Variants in PPP4R2 observed in about 807,000 individuals in gnomAD.
The protein encoded by PPP4R2 is serine/threonine-protein phosphatase 4 regulatory subunit 2.
PPP4R2 carries 13 observed loss-of-function variants against 47.2 expected under a neutral mutation model. The ratio of observed to expected loss-of-function variants is 0.28; its 90% confidence interval spans 0.18 to 0.44. PPP4R2 has a LOEUF of 0.44. Among genes scored for constraint, PPP4R2 ranks in the 20% least tolerant of loss-of-function variants. PPP4R2 has a pLI of 1.00. For synonymous variants in PPP4R2, 151 were observed against 163.3 expected (o/e 0.92, Z 0.57); for missense variants, 421 against 491.2 (o/e 0.86, Z 1.35).
intron 2 of PPP4R2, among the ~76,000 whole-genome samples, chr3:73,002,172 C>T (rs1701480275): frequency 6.6e-6 from 1 of 152,182 alleles, no homozygotes; most frequent in Non-Finnish European, 1.5e-5. Context: ...TTGCAAATGA[C>T]AGGATCTAAT....
At chr3:73,043,514 C>G (rs1213610761) in intron 2 of PPP4R2, among the ~76,000 whole-genome samples, 1 of 152,060 alleles carries the variant, frequency 6.6e-6, no homozygotes, top group Non-Finnish European at 1.5e-5. Context: ...GAGGAACTGC[C>G]CAAGTACTTT....
Position 72,996,990 on chromosome 3 carries a change from A to T in PPP4R2, c.-48A>T. ...GGTGGGGGGAGGCGTTCCGGTCCCC[A>T]AGAGACCCGCGGAGGGAGGCGGAGG... is the stretch of plus-strand genomic sequence containing the variant. On this transcript the variant is annotated 5_prime_UTR_variant, in exon 1 of 9. Coordinates refer to ENST00000356692, the MANE Select transcript of PPP4R2 (RefSeq NM_174907.4). 7.5e-7 allele frequency: 1 copy of T among 1,337,482 alleles called. No homozygotes were observed. The highest frequency in any genetic ancestry group is 9.7e-7 in the Non-Finnish European group (1 of 1,026,946). The allele number at this position is 1,337,482 out of a possible 1,614,324, so 82.9% of individuals were successfully genotyped here. A position where few individuals can be genotyped will look rare whatever the true frequency, so the allele number is the denominator to read the frequency against.
intron 2 of PPP4R2, among the ~76,000 whole-genome samples, chr3:73,026,252 T>G (rs1702060899): frequency 1.3e-5 from 2 of 152,204 alleles, no homozygotes; most frequent in Admixed American, 6.5e-5. Context: ...AATTCTCTAG[T>G]AAATTCGTAC....
intron 2 of PPP4R2, among the ~76,000 whole-genome samples, chr3:73,028,462 CTT>C (rs1008863251): frequency 1.3e-5 from 2 of 151,912 alleles, no homozygotes; most frequent in African/African-American, 2.4e-5. Flanking sequence ...AGGTAGAAGA[CTT>C]TTTTTGTTTT....
At chr3:73,061,243 T>G in intron 5 of PPP4R2, 183 bp downstream of exon 5, 1 of 312,142 alleles carries the variant, frequency 3.2e-6, no homozygotes, top group Non-Finnish European at 5.7e-6. Flanking sequence ...ATCTATATGT[T>G]TTTTCCATTA....
At chr3:73,016,123 CATTTA>C (rs1178882244) in intron 2 of PPP4R2, 13 of 152,422 alleles carry the variant, frequency 8.5e-5, no homozygotes, top group African/African-American at 3.1e-4. Flanking sequence ...ATAAATAAAA[CATTTA>C]ATTTGACCAA....
chr3:73,035,833 C>G (rs1365643342), intron 2 of PPP4R2, among the ~76,000 whole-genome samples: 10 of 152,050 alleles, frequency 6.6e-5, no homozygotes, highest in African/African-American at 2.2e-4. Context: ...ACCATGTTGG[C>G]CAGGCTGGTC....
chr3:73,005,827 T>C (rs1157574760), intron 2 of PPP4R2, among the ~76,000 whole-genome samples: 1 of 40,298 alleles, frequency 2.5e-5, no homozygotes, highest in Non-Finnish European at 5.4e-5. Flanking sequence ...AGTGAAACTC[T>C]GTCTGCAAAA....
At chr3:73,059,851 CT>C (rs924391277) in intron 4 of PPP4R2, among the ~76,000 whole-genome samples, 28 of 150,538 alleles carry the variant, frequency 1.9e-4, no homozygotes, top group Admixed American at 1.3e-3. Flanking sequence ...AGGAGAATTG[CT>C]AGAACCTGGG....
chr3:73,028,156 C>T (rs563644049), intron 2 of PPP4R2, among the ~76,000 whole-genome samples: 49 of 150,550 alleles, frequency 3.3e-4, no homozygotes, highest in African/African-American at 7.6e-4. Context: ...ACTCAGGAAG[C>T]TGAGGCAGGA....
At chr3:73,024,396 AG>A (rs1181847469) in intron 2 of PPP4R2, among the ~76,000 whole-genome samples, 8 of 152,178 alleles carry the variant, frequency 5.3e-5, no homozygotes, top group Non-Finnish European at 1.2e-4. Flanking sequence ...AACAACATAG[AG>A]GATCTTGTAC....
rs1257369586 is a variant in PPP4R2, at chr3:73,068,604, G to T, written c.*2882G>T. 1.3e-5 allele frequency: 2 copies of T among 152,210 alleles called. No homozygotes were observed. Among genetic ancestry groups the T allele is most frequent in the South Asian group, 2.1e-4 (1 of 4,828 alleles). The allele number at this position is 152,210 out of a possible 1,614,324, so 9.4% of individuals were successfully genotyped here. A position where few individuals can be genotyped will look rare whatever the true frequency, so the allele number is the denominator to read the frequency against. On this transcript the variant is annotated 3_prime_UTR_variant, in exon 9 of 9. Transcript: ENST00000356692. ...GTGGAATTGCCAGCCAGGCCCTGTG[G>T]CTTGGAAAGGCATCCCAGAAATCCT...
chr3:73,009,828 T>C lies in PPP4R2; in HGVS notation c.116+11670T>C, dbSNP rs558287428. Among the ~76,000 whole-genome samples the C allele has an allele frequency of 7.2e-5, 11 of 152,344 alleles. No individual in the cohort carries two copies. In the South Asian group the frequency reaches 2.3e-3, roughly 32 times the overall value. ...ATGTGCCTATGGAAAACATTATATG[T>C]TGAGAAATGTATTTTAGATCTTCAT... On this transcript the variant is annotated intron_variant, in intron 2 of 8. Transcript: ENST00000356692.
chr3:73,012,932 A>T (rs1701753686), intron 2 of PPP4R2, among the ~76,000 whole-genome samples: 1 of 143,424 alleles, frequency 7.0e-6, no homozygotes, highest in Non-Finnish European at 1.5e-5. Context: ...AACCACCCTT[A>T]CCAGTGAATA....
intron 2 of PPP4R2, among the ~76,000 whole-genome samples, chr3:73,025,768 A>G (rs1054238426): frequency 6.6e-6 from 1 of 152,230 alleles, no homozygotes; most frequent in Admixed American, 6.5e-5. Flanking sequence ...TTAGAAATTA[A>G]TGAAGGCTTT....
chr3:73,063,874 A>AAAACT, intron 6 of PPP4R2, 127 bp downstream of exon 6: 1 of 1,116,958 alleles, frequency 9.0e-7, no homozygotes, highest in Non-Finnish European at 1.3e-6. Context: ...AGAATTAGTT[A>AAAACT]ATTTGGTAAG....
At chr3:73,002,442 G>A (rs942587867) in intron 2 of PPP4R2, among the ~76,000 whole-genome samples, 35 of 151,646 alleles carry the variant, frequency 2.3e-4, no homozygotes, top group Admixed American at 4.6e-4. Context: ...TTTTTTTGTA[G>A]AGACAAAGTC....
chr3:73,036,387 A>C (rs906985757), intron 2 of PPP4R2, among the ~76,000 whole-genome samples: 1 of 152,206 alleles, frequency 6.6e-6, no homozygotes, highest in South Asian at 2.1e-4. Context: ...ATAGCTAGAG[A>C]AGATTTGAAA....
At chr3:73,003,154 C>G (rs1435423386) in intron 2 of PPP4R2, among the ~76,000 whole-genome samples, 1 of 151,930 alleles carries the variant, frequency 6.6e-6, no homozygotes, top group Non-Finnish European at 1.5e-5. Flanking sequence ...TTTCTAGCCC[C>G]CATTTAAAAG....
Sources: gnomAD v4.1 joint callset for allele counts (sites outside exome capture counted in the v4.1 genomes callset) on GRCh38, gnomAD v4.1.1 for gene constraint, MANE v1.5 for transcripts, NCBI Gene and HGNC (gene_info 2026-07-23, HGNC 2026-07-21) for gene names.